The following KIF26B variants were observed in gnomAD, a reference collection of about 807,000 sequenced individuals.
KIF26B encodes the protein kinesin-like protein KIF26B.
KIF26B carries 63 observed loss-of-function variants against 151.2 expected under a neutral mutation model. The observed-to-expected ratio is 0.42, with a 90% CI of 0.34 to 0.51. The LOEUF (loss-of-function observed/expected upper bound fraction) is 0.51, where lower values mean the gene tolerates loss of function less well. Among genes scored for constraint, KIF26B ranks in the 20% least tolerant of loss-of-function variants. KIF26B has a pLI of 0.07. For synonymous variants in KIF26B, 1,357 were observed against 1,262.1 expected (o/e 1.08, Z -1.59); for missense variants, 2,813 against 2,913.6 (o/e 0.97, Z 0.79).
intron 6 of KIF26B, among the ~76,000 whole-genome samples, chr1:245,605,753 C>A (rs575663389): frequency 1.3e-5 from 2 of 152,182 alleles, no homozygotes; most frequent in Admixed American, 1.3e-4. Flanking sequence ...TTAACACACA[C>A]CAGATGGACA....
At chr1:245,701,331 T>TATTTC (rs1185864114) in intron 14 of KIF26B, among the ~76,000 whole-genome samples, 1 of 152,246 alleles carries the variant, frequency 6.6e-6, no homozygotes, top group East Asian at 1.9e-4. Flanking sequence ...TTAGTTCTAT[T>TATTTC]ATTTCTTCAT....
intron 9 of KIF26B, among the ~76,000 whole-genome samples, chr1:245,612,816 A>G (rs1456202300): frequency 6.6e-6 from 1 of 152,176 alleles, no homozygotes; most frequent in Non-Finnish European, 1.5e-5. Flanking sequence ...AAACCCAGGT[A>G]CGGTGCCTGC....
rs1661577145 is a variant in KIF26B at position 245,540,028 on chromosome 1, G to A, written c.1167-739G>A. On this transcript the variant is annotated intron_variant, in intron 4 of 14. Coordinates refer to ENST00000407071, the MANE Select transcript of KIF26B (RefSeq NM_018012.4). This position sits in a 1 kb window ranked among gnomAD's most constrained non-coding sequence, Gnocchi z 4.6. ...CATTGGAACAGCCTATGTTATTAAT[G>A]ATGCCGGCAGCCTCCCCTCCCACCT... Among the ~76,000 whole-genome samples, 1 of 152,108 alleles carries A rather than the reference G, an allele frequency of 6.6e-6. No homozygotes were observed. Among genetic ancestry groups the A allele is most frequent in the South Asian group, 2.1e-4 (1 of 4,826 alleles).
chr1:245,367,493 GC>G lies in KIF26B; in HGVS notation c.999+131del, dbSNP rs1054139366. 3 of 928,290 alleles carry G rather than the reference GC, an allele frequency of 3.2e-6. No homozygotes were observed. Among genetic ancestry groups the G allele is most frequent in the Admixed American group, 2.8e-5 (1 of 35,686 alleles). 57.5% of individuals were successfully genotyped at this position (928,290 alleles called of 1,614,324 possible). A position where few individuals can be genotyped will look rare whatever the true frequency, so the allele number is the denominator to read the frequency against. On this transcript the variant is annotated intron_variant, in intron 3 of 14. Transcript: ENST00000407071. This position sits in a 1 kb window ranked among gnomAD's most constrained non-coding sequence, Gnocchi z 4.2. Reference sequence around the variant, plus strand: ...ACTCAGAGCCCAGTGTTTCCATGTGGCCCCCACAGAGTTCTCATCAAGGTGC... The same window carrying G: ...ACTCAGAGCCCAGTGTTTCCATGTGGCCCCACAGAGTTCTCATCAAGGTGC...
intron 9 of KIF26B, among the ~76,000 whole-genome samples, chr1:245,639,788 T>TATTA (rs144659405): frequency 0.016 from 2,431 of 151,858 alleles, 57 homozygotes; most frequent in African/African-American, 0.054. Flanking sequence ...CATTTCTTGT[T>TATTA]ATTTATAGTT....
intron 9 of KIF26B, among the ~76,000 whole-genome samples, chr1:245,640,143 C>CTCTCTCTCTCTCTCTCTCTATATA: frequency 6.3e-5 from 2 of 31,922 alleles, no homozygotes; most frequent in Non-Finnish European, 1.2e-4. Context: ...CTCTCTCTCT[C>CTCTCTCTCTCTCTCTCTCTATATA]TATATATATA....
At position 245,367,378 on chromosome 1, in the gene KIF26B, T is replaced by C; in HGVS notation, c.999+11T>C. On this transcript the variant is annotated intron_variant, in intron 3 of 14. Transcript: ENST00000407071. The surrounding 1 kb of genome is among the most constrained non-coding windows in gnomAD (Gnocchi z 4.2). ...CTGTACCCATACCAGGTAAGTAGCC[T>C]GTGTGAGCCAGGAAGAGCAGGGCTG... is the stretch of plus-strand genomic sequence containing the variant. 1.3e-6 allele frequency: 2 copies of C among 1,572,598 alleles called. No individual in the cohort carries two copies. The highest frequency in any genetic ancestry group is 8.6e-7 in the Non-Finnish European group (1 of 1,157,520).
chr1:245,367,799 G>C lies in KIF26B; in HGVS notation c.999+432G>C, dbSNP rs1390330096. On this transcript the variant is annotated intron_variant, in intron 3 of 14. Transcript: ENST00000407071. The surrounding 1 kb of genome is among the most constrained non-coding windows in gnomAD (Gnocchi z 4.2). Reference sequence around the variant, plus strand: ...GGCACAAGGGGTTTGCCCTGTCTTAGGCTCAAGTCCCTCATTTATAAATGG... The same window carrying C: ...GGCACAAGGGGTTTGCCCTGTCTTACGCTCAAGTCCCTCATTTATAAATGG... Among the ~76,000 whole-genome samples the C allele has an allele frequency of 6.6e-6, 1 of 152,190 alleles. No individual in the cohort carries two copies. Among genetic ancestry groups the C allele is most frequent in the Non-Finnish European group, 1.5e-5 (1 of 68,038 alleles).
intron 4 of KIF26B, among the ~76,000 whole-genome samples, chr1:245,447,962 GT>G (rs1659285755): frequency 6.6e-6 from 1 of 152,220 alleles, no homozygotes; most frequent in Non-Finnish European, 1.5e-5. Flanking sequence ...TAATAAAGCT[GT>G]TTTCTGCTAC....
At chr1:245,621,715 G>A (rs1173536250) in intron 9 of KIF26B, among the ~76,000 whole-genome samples, 2 of 152,162 alleles carry the variant, frequency 1.3e-5, no homozygotes, top group Admixed American at 6.5e-5. Flanking sequence ...CCCAGCCGCC[G>A]GAAGTGATGG....
At chr1:245,556,928 G>A (rs374935842) in intron 5 of KIF26B, among the ~76,000 whole-genome samples, 6 of 152,214 alleles carry the variant, frequency 3.9e-5, no homozygotes, top group African/African-American at 9.6e-5. Flanking sequence ...TCCCAGCAGC[G>A]TGGAACTCAC....
intron 2 of KIF26B, chr1:245,234,360 G>GCACTCA (rs1339338917): frequency 3.3e-5 from 5 of 152,378 alleles, no homozygotes; most frequent in Admixed American, 1.3e-4. Flanking sequence ...CTTGTACCTC[G>GCACTCA]CACTCACACT....
intron 5 of KIF26B, among the ~76,000 whole-genome samples, chr1:245,541,336 G>A (rs1207071320): frequency 2.0e-5 from 3 of 152,162 alleles, no homozygotes; most frequent in South Asian, 2.1e-4. Context: ...TGACACTTTC[G>A]AGTTTTTGCC....
Position 245,655,930 on chromosome 1 carries a change from G to A in KIF26B, c.2258+9650G>A, listed in dbSNP as rs1048237608. On this transcript the variant is annotated intron_variant, in intron 10 of 14. Transcript: ENST00000407071. Reference sequence around the variant, plus strand: ...TTTAACTCTGTCATCCATAGAACTCGGTGCTGTTCTGATCAGCAAGGTAGA... The same window carrying A: ...TTTAACTCTGTCATCCATAGAACTCAGTGCTGTTCTGATCAGCAAGGTAGA... 4.6e-5 allele frequency among the ~76,000 whole-genome samples: 7 copies of A among 152,126 alleles called. 1 individual carries two copies. The highest frequency in any genetic ancestry group is 6.3e-3 in the Middle Eastern group (2 of 316).
chr1:245,244,131 AT>A lies in KIF26B; in HGVS notation c.465+87454del, dbSNP rs1258196179. Among the ~76,000 whole-genome samples, 1 of 151,770 alleles carries A rather than the reference AT, an allele frequency of 6.6e-6. No individual in the cohort carries two copies. Among genetic ancestry groups the A allele is most frequent in the Non-Finnish European group, 1.5e-5 (1 of 67,944 alleles). ...CTGGCTAATTTTTATTTATTTATTT[AT>A]TTTTTGTAGAGATTGGGTCTTGCTA... is the stretch of plus-strand genomic sequence containing the variant. On this transcript the variant is annotated intron_variant, in intron 2 of 14. Transcript: ENST00000407071. This position sits in a 1 kb window ranked among gnomAD's most constrained non-coding sequence, Gnocchi z 4.2.
At chr1:245,487,531 C>A (rs1044552252) in intron 4 of KIF26B, among the ~76,000 whole-genome samples, 2 of 152,120 alleles carry the variant, frequency 1.3e-5, no homozygotes, top group African/African-American at 4.8e-5. Flanking sequence ...ACATACTTAC[C>A]CTTTGACACA....
intron 10 of KIF26B, among the ~76,000 whole-genome samples, chr1:245,671,599 G>A (rs1023428981): frequency 6.6e-5 from 10 of 152,174 alleles, no homozygotes; most frequent in Non-Finnish European, 1.5e-4. Flanking sequence ...TAAACTGTGC[G>A]CTTAGTTGCA....
At chr1:245,304,277 A>G (rs1671494982) in intron 2 of KIF26B, among the ~76,000 whole-genome samples, 1 of 152,216 alleles carries the variant, frequency 6.6e-6, no homozygotes, top group Non-Finnish European at 1.5e-5. Context: ...ATGGAGACCC[A>G]TCGATATCCA....
chr1:245,680,667 T>A (rs1013277797), intron 10 of KIF26B, among the ~76,000 whole-genome samples: 67 of 152,324 alleles, frequency 4.4e-4, no homozygotes, highest in Non-Finnish European at 9.3e-4. Context: ...GACGGGGAAC[T>A]TCAGAGTGCA....
Sources: gnomAD v4.1 joint callset for allele counts (sites outside exome capture counted in the v4.1 genomes callset) on GRCh38, gnomAD v4.1.1 for gene constraint, Gnocchi (gnomAD v3.1) non-coding constraint, MANE v1.5 for transcripts, NCBI Gene and HGNC (gene_info 2026-07-23, HGNC 2026-07-21) for gene names.